Variants in LRRC4C observed in about 807,000 individuals in gnomAD.
LRRC4C encodes the protein leucine rich repeat containing 4C.
LRRC4C carries 5 observed loss-of-function variants against 33.6 expected under a neutral mutation model. The ratio of observed to expected loss-of-function variants is 0.15; its 90% CI spans 0.08 to 0.31. The LOEUF is 0.31. LRRC4C is among the 10% of genes least tolerant of loss of function. The pLI, the probability that LRRC4C is intolerant of heterozygous loss-of-function variation, is 1.00. For synonymous variants in LRRC4C, 329 were observed against 302.0 expected (o/e 1.09, Z -0.93); for missense variants, 560 against 796.7 (o/e 0.70, Z 3.58).
chr11:41,301,487 C>T (rs528636615), intron 1 of LRRC4C, among the ~76,000 whole-genome samples: 278 of 151,998 alleles, frequency 1.8e-3, no homozygotes, highest in African/African-American at 6.2e-3. Context: ...TTTTCTTTTT[C>T]GTAATGCTAT....
chr11:40,197,963 T>C (rs1361116965), intron 5 of LRRC4C, among the ~76,000 whole-genome samples: 2 of 152,186 alleles, frequency 1.3e-5, no homozygotes, highest in Admixed American at 6.5e-5. Context: ...GACATGATCA[T>C]TGATCTTATA....
At chr11:40,462,909 A>G (rs1292142693) in intron 3 of LRRC4C, among the ~76,000 whole-genome samples, 1 of 152,114 alleles carries the variant, frequency 6.6e-6, no homozygotes, top group Admixed American at 6.6e-5. Flanking sequence ...TGAAGAATCT[A>G]CTCAAAAAAT....
At chr11:41,102,418 GT>G (rs1318583057) in intron 1 of LRRC4C, among the ~76,000 whole-genome samples, 2 of 152,028 alleles carry the variant, frequency 1.3e-5, no homozygotes, top group Admixed American at 1.3e-4. Flanking sequence ...CCACTGAGGT[GT>G]GTTTTCCAAA....
At chr11:40,457,125 AAC>A (rs1295163059) in intron 3 of LRRC4C, among the ~76,000 whole-genome samples, 1 of 150,216 alleles carries the variant, frequency 6.7e-6, no homozygotes, top group Admixed American at 6.6e-5. Flanking sequence ...AGAAAAAAAA[AAC>A]AGTTACTTGA....
At chr11:41,059,210 G>GTTGTTTTTTTTTTT (rs71060994) in intron 1 of LRRC4C, among the ~76,000 whole-genome samples, 2 of 125,220 alleles carry the variant, frequency 1.6e-5, no homozygotes, top group African/African-American at 2.9e-5. Flanking sequence ...TAAAATAAAA[G>GTTGTTTTTTTTTTT]TTTTTTTTTT....
At chr11:40,134,183 G>A (rs1856825098) in intron 6 of LRRC4C, among the ~76,000 whole-genome samples, 1 of 152,120 alleles carries the variant, frequency 6.6e-6, no homozygotes, top group South Asian at 2.1e-4. Context: ...CTTGAGCCCA[G>A]GAATCTGAGC....
intron 1 of LRRC4C, among the ~76,000 whole-genome samples, chr11:41,194,056 T>G (rs961578820): frequency 1.3e-5 from 2 of 151,976 alleles, no homozygotes; most frequent in African/African-American, 4.8e-5. Context: ...CTACTCATCA[T>G]GAAGACAAGG....
intron 3 of LRRC4C, among the ~76,000 whole-genome samples, chr11:40,481,661 C>A (rs1953574861): frequency 6.6e-6 from 1 of 152,006 alleles, no homozygotes; most frequent in Non-Finnish European, 1.5e-5. Flanking sequence ...TTCAACACTT[C>A]CATTTTCAGG....
chr11:40,805,628 C>A (rs1017044793), intron 2 of LRRC4C, among the ~76,000 whole-genome samples: 1 of 152,100 alleles, frequency 6.6e-6, no homozygotes, highest in African/African-American at 2.4e-5. Context: ...CACCTTCAAC[C>A]TACAGTAAAG....
At chr11:40,163,385 T>G (rs1859325654) in intron 5 of LRRC4C, among the ~76,000 whole-genome samples, 1 of 152,162 alleles carries the variant, frequency 6.6e-6, no homozygotes, top group Admixed American at 6.5e-5. Context: ...AATGTCTGAA[T>G]GACAGTAAGG....
chr11:40,168,930 C>T (rs1859820229), intron 5 of LRRC4C, among the ~76,000 whole-genome samples: 1 of 152,174 alleles, frequency 6.6e-6, no homozygotes, highest in Non-Finnish European at 1.5e-5. Flanking sequence ...CTTCATGTTT[C>T]CTCTTATAAG....
chr11:40,759,147 T>C (rs1485686824), intron 2 of LRRC4C, among the ~76,000 whole-genome samples: 2 of 147,220 alleles, frequency 1.4e-5, no homozygotes, highest in Admixed American at 6.9e-5. Flanking sequence ...ATATCTTCCA[T>C]ATATATGTAA....
intron 1 of LRRC4C, among the ~76,000 whole-genome samples, chr11:41,403,694 A>G (rs987597788): frequency 6.6e-6 from 1 of 152,056 alleles, no homozygotes; most frequent in African/African-American, 2.4e-5. Context: ...ATATTATTGT[A>G]TTTCTACAAC....
In LRRC4C at chr11:40,817,963, C is replaced by A. The variant is rs796132759; in HGVS notation, c.-407+115672G>T. On this transcript the variant is annotated intron_variant, in intron 2 of 6. Coordinates refer to ENST00000528697, the MANE Select transcript of LRRC4C (RefSeq NM_001258419.2). ...AGCAATTCACCCAAGTTAATTATGCCTAATGGGCTTCAGGATTTAATTGGT... is the reference window on the plus strand; with the variant it reads ...AGCAATTCACCCAAGTTAATTATGCATAATGGGCTTCAGGATTTAATTGGT... 1.1e-4 allele frequency among the ~76,000 whole-genome samples: 17 copies of A among 152,204 alleles called. No individual in the cohort carries two copies. The East Asian group carries it at 2.3e-3, about 21-fold the overall frequency.
chr11:40,764,146 C>A (rs532773087), intron 2 of LRRC4C, among the ~76,000 whole-genome samples: 1 of 151,986 alleles, frequency 6.6e-6, no homozygotes, highest in Admixed American at 6.6e-5. Context: ...TAAGGCACTG[C>A]GCTGAGTCCT....
chr11:40,769,845 CT>C (rs1949669260), intron 2 of LRRC4C, among the ~76,000 whole-genome samples: 3 of 152,138 alleles, frequency 2.0e-5, no homozygotes. Context: ...GGATTAAAGA[CT>C]TAAATCTAAG....
At chr11:40,319,078 C>T (rs891226402) in intron 4 of LRRC4C, among the ~76,000 whole-genome samples, 12 of 152,132 alleles carry the variant, frequency 7.9e-5, no homozygotes, top group Non-Finnish European at 1.3e-4. Context: ...CTCTCCGATC[C>T]TTCAGTGGTA....
chr11:40,681,087 G>A lies in LRRC4C; in HGVS notation c.-406-32809C>T, dbSNP rs570617143. Among the ~76,000 whole-genome samples, 6 of 152,262 alleles carry A rather than the reference G, an allele frequency of 3.9e-5. No homozygotes were observed. In the East Asian group the frequency reaches 1.2e-3, roughly 29 times the overall value. On this transcript the variant is annotated intron_variant, in intron 2 of 6. Coordinates refer to ENST00000528697, the MANE Select transcript of LRRC4C (RefSeq NM_001258419.2). The stretch of plus-strand genomic sequence containing the variant: ...TTTGCATTGAGTATGGGGAGTAAAA[G>A]AAGGAGCAGTGGGTGGAAATCTCAA...
intron 1 of LRRC4C, among the ~76,000 whole-genome samples, chr11:41,027,264 T>C (rs748313419): frequency 6.6e-6 from 1 of 151,740 alleles, no homozygotes; most frequent in Admixed American, 6.6e-5. Flanking sequence ...TGTCATATCA[T>C]GTCAAAAATT....
Sources: gnomAD v4.1 joint callset for allele counts (sites outside exome capture counted in the v4.1 genomes callset) on GRCh38, gnomAD v4.1.1 for gene constraint, MANE v1.5 for transcripts, NCBI Gene and HGNC (gene_info 2026-07-23, HGNC 2026-07-21) for gene names.